Variants in POFUT3 observed in about 807,000 individuals in gnomAD.
The protein encoded by POFUT3 is protein O-fucosyltransferase 3.
the POFUT3 span, among the ~76,000 whole-genome samples, chr8:33,324,014 G>C: frequency 2.6e-5 from 4 of 152,154 alleles, no homozygotes. Flanking sequence ...AGGGCTGGGT[G>C]GTGGGAAGGA....
the POFUT3 span, among the ~76,000 whole-genome samples, chr8:33,316,038 G>A: frequency 6.6e-6 from 1 of 152,100 alleles, no homozygotes; most frequent in Admixed American, 6.6e-5. Flanking sequence ...AGAACACCTG[G>A]ATCTACCTGG....
At chr8:33,383,226 C>T in the POFUT3 span, among the ~76,000 whole-genome samples, 1 of 152,148 alleles carries the variant, frequency 6.6e-6, no homozygotes, top group Non-Finnish European at 1.5e-5. Flanking sequence ...CCCTCTAGGA[C>T]TGCACTCCCT....
At chr8:33,380,757 AG>A in the POFUT3 span, among the ~76,000 whole-genome samples, 1 of 151,800 alleles carries the variant, frequency 6.6e-6, no homozygotes, top group East Asian at 1.9e-4. Flanking sequence ...GGAATGCTTG[AG>A]TCCAGCAGTT....
chr8:33,417,681 A>G, the POFUT3 span, among the ~76,000 whole-genome samples: 1 of 152,216 alleles, frequency 6.6e-6, no homozygotes, highest in African/African-American at 2.4e-5. Flanking sequence ...TGGGGGCTTC[A>G]AGAAGGCTGA....
At chr8:33,341,518 G>A in the POFUT3 span, among the ~76,000 whole-genome samples, 3 of 151,072 alleles carry the variant, frequency 2.0e-5, no homozygotes, top group Non-Finnish European at 4.4e-5. Context: ...TCAGTAAAGA[G>A]GAAGGCTCTA....
the POFUT3 span, among the ~76,000 whole-genome samples, chr8:33,454,988 T>A: frequency 2.6e-5 from 4 of 152,136 alleles, no homozygotes; most frequent in Non-Finnish European, 5.9e-5. Context: ...TAATGAAACC[T>A]ATGACAGGAT....
At chr8:33,318,286 G>C in the POFUT3 span, among the ~76,000 whole-genome samples, 1 of 151,230 alleles carries the variant, frequency 6.6e-6, no homozygotes, top group South Asian at 2.1e-4. Context: ...AGGAAAGCTT[G>C]TAATTCAGAA....
the POFUT3 span, among the ~76,000 whole-genome samples, chr8:33,427,192 G>A: frequency 1.3e-5 from 2 of 152,142 alleles, no homozygotes; most frequent in Non-Finnish European, 2.9e-5. Context: ...AGGCATAGTG[G>A]CATGCATCTA....
chr8:33,462,156 G>GGC, the POFUT3 span, among the ~76,000 whole-genome samples: 1 of 34,862 alleles, frequency 2.9e-5, no homozygotes, highest in Non-Finnish European at 6.8e-5. Flanking sequence ...AGGAAGGGGA[G>GGC]GGAAGGGGAA....
At chr8:33,388,498 G>A in the POFUT3 span, among the ~76,000 whole-genome samples, 2 of 151,786 alleles carry the variant, frequency 1.3e-5, no homozygotes, top group East Asian at 3.9e-4. Context: ...CACCATGCCG[G>A]GCTAATTTTT....
the POFUT3 span, among the ~76,000 whole-genome samples, chr8:33,448,058 G>A: frequency 1.3e-5 from 2 of 152,124 alleles, no homozygotes; most frequent in African/African-American, 2.4e-5. Flanking sequence ...ATATGGTCTA[G>A]GCCAGGCACA....
At chr8:33,435,278 C>T in the POFUT3 span, among the ~76,000 whole-genome samples, 4 of 149,894 alleles carry the variant, frequency 2.7e-5, no homozygotes, top group East Asian at 2.0e-4. Flanking sequence ...AGGGCAGTGG[C>T]GTGATCTCAG....
At chr8:33,395,304 C>T in the POFUT3 span, among the ~76,000 whole-genome samples, 1 of 152,146 alleles carries the variant, frequency 6.6e-6, no homozygotes, top group Non-Finnish European at 1.5e-5. Context: ...CCAAGCTCCA[C>T]TGGCAGAGGA....
the POFUT3 span, among the ~76,000 whole-genome samples, chr8:33,381,165 A>G: frequency 7.2e-5 from 11 of 152,308 alleles, no homozygotes; most frequent in East Asian, 1.9e-3. Context: ...ATGTGTATAT[A>G]TAAAATATAT....
chr8:33,455,673 A>C, the POFUT3 span: 2 of 364,956 alleles, frequency 5.5e-6, no homozygotes, highest in African/African-American at 4.3e-5. Context: ...AGTAAGGCAC[A>C]TTTACATTTC....
At chr8:33,453,052 G>A in the POFUT3 span, 1 of 640,170 alleles carries the variant, frequency 1.6e-6, no homozygotes, top group African/African-American at 1.8e-5. Flanking sequence ...TCTTTTTTGT[G>A]TCTGCTAAAT....
At chr8:33,388,843 G>T in the POFUT3 span, 1 of 813,034 alleles carries the variant, frequency 1.2e-6, no homozygotes, top group Non-Finnish European at 2.1e-6. Flanking sequence ...GCAAAGCCCG[G>T]TCTTTCTGAT....
At chr8:33,423,695 A>G in the POFUT3 span, among the ~76,000 whole-genome samples, 1 of 152,092 alleles carries the variant, frequency 6.6e-6, no homozygotes, top group Admixed American at 6.6e-5. Flanking sequence ...TTATATTTAC[A>G]TTAATAAATT....
At chr8:33,438,640 C>G in the POFUT3 span, among the ~76,000 whole-genome samples, 1 of 152,156 alleles carries the variant, frequency 6.6e-6, no homozygotes, top group African/African-American at 2.4e-5. Flanking sequence ...AAACTCGAGA[C>G]TGGGTAATTT....
Sources: allele counts gnomAD v4.1 joint callset (sites outside exome capture counted in the v4.1 genomes callset), GRCh38; gene constraint gnomAD v4.1.1; transcripts MANE v1.5; gene names NCBI Gene and HGNC (gene_info 2026-07-23, HGNC 2026-07-21).